The following CNTN5 variants were observed in gnomAD, a reference collection of about 807,000 sequenced individuals.
The protein encoded by CNTN5 is contactin-5.
A neutral mutation model predicts 129.1 loss-of-function variants in CNTN5; 77 were observed. That is an observed-to-expected ratio of 0.60 (90% CI 0.50 to 0.72). The LOEUF (loss-of-function observed/expected upper bound fraction) is 0.72, where lower values mean the gene tolerates loss of function less well. CNTN5 is among the 30% of genes least tolerant of loss of function. CNTN5 has a pLI of 0.00. For missense variants in CNTN5, 1,478 were observed against 1,328.8 expected, an observed-to-expected ratio of 1.11 and a Z score of -1.75; for synonymous variants, 509 against 465.6, an observed-to-expected ratio of 1.09 and a Z score of -1.20.
intron 15 of CNTN5, among the ~76,000 whole-genome samples, chr11:100,209,156 A>G (rs1352970664): frequency 6.6e-6 from 1 of 152,210 alleles, no homozygotes; most frequent in Non-Finnish European, 1.5e-5. Flanking sequence ...ATCCAGGACC[A>G]TTACTGTAGC....
At chr11:99,178,361 CACACACAA>C (rs1857882787) in intron 1 of CNTN5, among the ~76,000 whole-genome samples, 1 of 121,184 alleles carries the variant, frequency 8.3e-6, no homozygotes, top group Admixed American at 8.3e-5. Flanking sequence ...CACACACACA[CACACACAA>C]AATTAGCCAG....
At chr11:99,989,032 T>C (rs989159434) in intron 8 of CNTN5, among the ~76,000 whole-genome samples, 1 of 152,202 alleles carries the variant, frequency 6.6e-6, no homozygotes, top group Admixed American at 6.5e-5. Flanking sequence ...ATACATTGAG[T>C]AAAGTCCACC....
intron 1 of CNTN5, among the ~76,000 whole-genome samples, chr11:99,060,840 T>C (rs1423954697): frequency 6.6e-6 from 1 of 152,122 alleles, no homozygotes; most frequent in Non-Finnish European, 1.5e-5. Flanking sequence ...TTCAAAGTGA[T>C]ATGTCTTCAG....
chr11:100,283,296 C>A (rs1421124954), intron 18 of CNTN5, among the ~76,000 whole-genome samples: 1 of 152,094 alleles, frequency 6.6e-6, no homozygotes, highest in Non-Finnish European at 1.5e-5. Context: ...GAGCTGGTAT[C>A]CAAGAAGCAA....
chr11:99,839,211 G>C (rs1288684708), intron 4 of CNTN5, among the ~76,000 whole-genome samples: 1 of 152,104 alleles, frequency 6.6e-6, no homozygotes, highest in African/African-American at 2.4e-5. Flanking sequence ...TCCGACAATT[G>C]CCTTTGTCGT....
chr11:99,888,798 C>G (rs1474758500), intron 6 of CNTN5, among the ~76,000 whole-genome samples: 1 of 152,168 alleles, frequency 6.6e-6, no homozygotes, highest in African/African-American at 2.4e-5. Flanking sequence ...AATTACGGAA[C>G]AGTTGAGCTT....
In CNTN5 at chr11:100,204,295, CTAATATATATATATATATATATATAT is replaced by C. The variant is rs1287141497; in HGVS notation, c.1884+10633_1884+10658del. Among the ~76,000 whole-genome samples the C allele has an allele frequency of 2.5e-3, 70 of 27,708 alleles. 4 individuals are homozygous for C. The highest frequency in any genetic ancestry group is 7.8e-3 in the South Asian group (6 of 774). 18.2% of individuals were successfully genotyped at this position (27,708 alleles called of 152,430 possible). A position where few individuals can be genotyped will look rare whatever the true frequency, so the allele number is the denominator to read the frequency against. On this transcript the variant is annotated intron_variant, in intron 15 of 24. Coordinates refer to ENST00000524871, the MANE Select transcript of CNTN5 (RefSeq NM_014361.4). ...TAGCTCACCAAGAAACAAACATTGA[CTAATATATATATATATATATATATAT>C]ATATATATATATATATATATATAAT... is the stretch of plus-strand genomic sequence containing the variant.
At chr11:99,958,021 G>C (rs1030129098) in intron 8 of CNTN5, among the ~76,000 whole-genome samples, 6 of 151,738 alleles carry the variant, frequency 4.0e-5, no homozygotes, top group South Asian at 4.1e-4. Context: ...ATATATAATA[G>C]TAACAACACC....
intron 1 of CNTN5, among the ~76,000 whole-genome samples, chr11:99,076,939 T>C (rs916483120): frequency 1.3e-5 from 2 of 152,180 alleles, no homozygotes; most frequent in African/African-American, 4.8e-5. Flanking sequence ...TTTTGTTATT[T>C]TTCTGCTTCC....
chr11:99,318,121 A>T (rs1865422585), intron 1 of CNTN5, among the ~76,000 whole-genome samples: 2 of 152,228 alleles, frequency 1.3e-5, no homozygotes, highest in South Asian at 4.1e-4. Context: ...TGTAAGAGAA[A>T]TATCTTCTTA....
At chr11:99,791,972 C>T (rs1945759818) in intron 3 of CNTN5, among the ~76,000 whole-genome samples, 1 of 152,074 alleles carries the variant, frequency 6.6e-6, no homozygotes, top group Admixed American at 6.6e-5. Flanking sequence ...TGAAACTTTG[C>T]TAACATTGTT....
chr11:100,309,219 T>A, intron 21 of CNTN5: 1 of 984,976 alleles, frequency 1.0e-6, no homozygotes, highest in Non-Finnish European at 1.2e-6. Context: ...TTAAAAAAAT[T>A]TATTCTTACT....
At position 99,579,463 on chromosome 11, in the gene CNTN5, C is replaced by T. The variant is rs189981796; in HGVS notation, c.55+23194C>T. Among the ~76,000 whole-genome samples, 1,188 of 151,138 alleles carry T rather than the reference C, an allele frequency of 7.9e-3. 12 individuals are homozygous for T. Among genetic ancestry groups the T allele is most frequent in the Non-Finnish European group, 9.7e-3 (659 of 67,794 alleles). On this transcript the variant is annotated intron_variant, in intron 3 of 24. Transcript: ENST00000524871. ...GATATTGATTCTTCCTACCCATGAG[C>T]ATGGAATGTTCTTCCATTGGTTTGT...
chr11:99,290,671 A>G (rs1864134350), intron 1 of CNTN5, among the ~76,000 whole-genome samples: 1 of 151,896 alleles, frequency 6.6e-6, no homozygotes, highest in Non-Finnish European at 1.5e-5. Context: ...TTCCAAAATG[A>G]TTACCAAGTA....
chr11:100,015,065 C>T (rs1468041596), intron 9 of CNTN5, among the ~76,000 whole-genome samples: 1 of 152,068 alleles, frequency 6.6e-6, no homozygotes, highest in African/African-American at 2.4e-5. Context: ...AAATTGATTA[C>T]CACTGACTTG....
intron 3 of CNTN5, among the ~76,000 whole-genome samples, chr11:99,712,430 C>T (rs1038257893): frequency 6.6e-6 from 1 of 151,996 alleles, no homozygotes; most frequent in Non-Finnish European, 1.5e-5. Flanking sequence ...CTGTAGGTTG[C>T]CTGTTCACTT....
intron 6 of CNTN5, among the ~76,000 whole-genome samples, chr11:99,908,247 G>C (rs1003422384): frequency 2.0e-5 from 3 of 152,034 alleles, no homozygotes; most frequent in Non-Finnish European, 4.4e-5. Flanking sequence ...AGGCAAGAAA[G>C]TAATTATATA....
intron 8 of CNTN5, among the ~76,000 whole-genome samples, chr11:99,981,077 G>GATATATATACAT (rs1938303368): frequency 1.7e-5 from 1 of 57,598 alleles, no homozygotes; most frequent in Non-Finnish European, 3.5e-5. Flanking sequence ...GAGCCAATAG[G>GATATATATACAT]ATATATATAT....
intron 13 of CNTN5, among the ~76,000 whole-genome samples, chr11:100,166,931 G>A (rs1280605352): frequency 2.6e-5 from 4 of 151,740 alleles, no homozygotes; most frequent in African/African-American, 9.7e-5. Flanking sequence ...CATTTTATAG[G>A]TGAAAGAAAT....
Sources: gnomAD v4.1 joint callset for allele counts (sites outside exome capture counted in the v4.1 genomes callset) on GRCh38, gnomAD v4.1.1 for gene constraint, MANE v1.5 for transcripts, NCBI Gene and HGNC (gene_info 2026-07-23, HGNC 2026-07-21) for gene names.